NEDD4: variants seen among roughly 807,000 people sequenced by gnomAD.
The protein encoded by NEDD4 is NEDD4 E3 ubiquitin protein ligase.
NEDD4 carries 99 observed loss-of-function variants against 144.9 expected under a neutral mutation model. The ratio of observed to expected loss-of-function variants is 0.68; its 90% CI spans 0.58 to 0.81. NEDD4 has a LOEUF of 0.81. Among genes scored for constraint, NEDD4 ranks in the 30% least tolerant of loss-of-function variants. The pLI is 0.00. For synonymous variants in NEDD4, 318 were observed against 350.6 expected (o/e 0.91, Z 1.04); for missense variants, 985 against 1,065.9 (o/e 0.92, Z 1.06).
At chr15:55,871,268 T>C (rs2034786450) in intron 7 of NEDD4, among the ~76,000 whole-genome samples, 1 of 152,262 alleles carries the variant, frequency 6.6e-6, no homozygotes, top group South Asian at 2.1e-4. Context: ...TCTACAATTG[T>C]ATGTTTCATG....
chr15:55,910,666 G>A (rs2036242839), intron 5 of NEDD4, among the ~76,000 whole-genome samples: 1 of 151,872 alleles, frequency 6.6e-6, no homozygotes, highest in Admixed American at 6.6e-5. Context: ...CTGAGCCTTG[G>A]TCCTGTATGT....
chr15:55,956,363 G>C (rs982530248), intron 2 of NEDD4, among the ~76,000 whole-genome samples: 2 of 151,998 alleles, frequency 1.3e-5, no homozygotes, highest in East Asian at 3.9e-4. Flanking sequence ...TTTTGGTACT[G>C]TTCACGTAAA....
At chr15:55,867,924 C>T (rs1433269788) in intron 8 of NEDD4, among the ~76,000 whole-genome samples, 3 of 151,988 alleles carry the variant, frequency 2.0e-5, no homozygotes, top group African/African-American at 7.3e-5. Context: ...GGCATGGTAG[C>T]ACATGCCTGT....
In NEDD4 at chr15:55,902,079, G is replaced by A. The variant is rs530190210; in HGVS notation, c.291+22567C>T. ...AGTGCGGCAATTAAGGCTTAGATAA[G>A]ATGTGGTTAGATGATAAATTCCAAA... is the stretch of plus-strand genomic sequence containing the variant. On this transcript the variant is annotated intron_variant, in intron 5 of 28. Coordinates refer to ENST00000435532, the MANE Select transcript of NEDD4 (RefSeq NM_006154.4). 4.3e-4 allele frequency among the ~76,000 whole-genome samples: 66 copies of A among 152,238 alleles called. 1 individual carries two copies. Among genetic ancestry groups the A allele is most frequent in the African/African-American group, 1.5e-3 (64 of 41,556 alleles).
At chr15:55,859,650 A>G (rs2034326541) in intron 11 of NEDD4, among the ~76,000 whole-genome samples, 1 of 152,172 alleles carries the variant, frequency 6.6e-6, no homozygotes, top group African/African-American at 2.4e-5. Context: ...AAGCCGAGAT[A>G]GCACCACTGC....
intron 11 of NEDD4, among the ~76,000 whole-genome samples, chr15:55,857,318 A>G (rs60755985): frequency 0.14 from 21,395 of 152,056 alleles, 1,652 homozygotes; most frequent in East Asian, 0.36. Context: ...AGAAGGTTTA[A>G]TTTTTATTTA....
At chr15:55,894,814 G>T (rs2035688738) in intron 5 of NEDD4, among the ~76,000 whole-genome samples, 1 of 152,014 alleles carries the variant, frequency 6.6e-6, no homozygotes, top group South Asian at 2.1e-4. Flanking sequence ...TCTGAAGCAG[G>T]CAAGACATAA....
At chr15:55,976,747 G>A (rs1165107555) in intron 1 of NEDD4, among the ~76,000 whole-genome samples, 1 of 150,130 alleles carries the variant, frequency 6.7e-6, no homozygotes, top group South Asian at 2.1e-4. Context: ...CTCCTGCCTC[G>A]CCTCCCTAAG....
rs563937784 is a variant in NEDD4, at chr15:55,991,360, A to T, written c.45+2151T>A. ...TTACTTTTGTGATAGACCAGAAAAT[A>T]AATGGCAAATGATAGTGGAGAGGGC... On this transcript the variant is annotated intron_variant, in intron 1 of 28. Transcript: ENST00000435532. Among the ~76,000 whole-genome samples, 6 of 152,226 alleles carry T rather than the reference A, an allele frequency of 3.9e-5. No homozygotes were observed. The South Asian group carries it at 1.0e-3, about 26-fold the overall frequency.
intron 1 of NEDD4, among the ~76,000 whole-genome samples, chr15:55,982,712 C>A (rs1348195317): frequency 3.3e-5 from 5 of 152,166 alleles, no homozygotes; most frequent in Non-Finnish European, 5.9e-5. Flanking sequence ...CTGTGCATTT[C>A]ACTCTTTGTA....
chr15:55,939,334 T>A (rs1012529001), intron 4 of NEDD4, among the ~76,000 whole-genome samples: 2 of 152,132 alleles, frequency 1.3e-5, no homozygotes, highest in Non-Finnish European at 2.9e-5. Flanking sequence ...CCCTTCACTT[T>A]CTCTTCTGTC....
At chr15:55,839,355 TGAG>T (rs2033360317) in intron 21 of NEDD4, among the ~76,000 whole-genome samples, 1 of 152,116 alleles carries the variant, frequency 6.6e-6, no homozygotes, top group African/African-American at 2.4e-5. Flanking sequence ...TAAGTAGCTA[TGAG>T]GAGGCCATTG....
At chr15:55,884,013 G>A (rs1171095665) in intron 5 of NEDD4, among the ~76,000 whole-genome samples, 1 of 151,928 alleles carries the variant, frequency 6.6e-6, no homozygotes, top group Non-Finnish European at 1.5e-5. Context: ...CCAAGTAGCT[G>A]GGATTACAGG....
At chr15:55,981,257 T>A (rs2037799042) in intron 1 of NEDD4, among the ~76,000 whole-genome samples, 1 of 151,990 alleles carries the variant, frequency 6.6e-6, no homozygotes, top group Non-Finnish European at 1.5e-5. Context: ...ATATATCACC[T>A]CACCACCATG....
intron 3 of NEDD4, 45 bp downstream of exon 3, chr15:55,951,466 T>C (rs2037237233): frequency 7.1e-7 from 1 of 1,409,408 alleles, no homozygotes; most frequent in Non-Finnish European, 9.5e-7. Context: ...CTTATAAAAA[T>C]AAAACAAAGT....
In NEDD4 at chr15:55,891,084, T is replaced by C. The variant is rs1392459972; in HGVS notation, c.292-17076A>G. ...TATATTTGTTGTTCATTGGTTGTCT[T>C]TGGGAACAAAAGAACAAAAATCCCA... On this transcript the variant is annotated intron_variant, in intron 5 of 28. Coordinates refer to ENST00000435532, the MANE Select transcript of NEDD4 (RefSeq NM_006154.4). Among the ~76,000 whole-genome samples, 5 of 152,308 alleles carry C rather than the reference T, an allele frequency of 3.3e-5. No individual in the cohort carries two copies. In the East Asian group the frequency reaches 9.6e-4, roughly 29 times the overall value.
At chr15:55,830,972 A>T (rs1271532400) in intron 27 of NEDD4, among the ~76,000 whole-genome samples, 1 of 152,150 alleles carries the variant, frequency 6.6e-6, no homozygotes, top group Non-Finnish European at 1.5e-5. Flanking sequence ...AGGCTGAAGT[A>T]AAATGGCATG....
chr15:55,879,485 C>T (rs917529632), intron 5 of NEDD4, among the ~76,000 whole-genome samples: 26 of 152,150 alleles, frequency 1.7e-4, no homozygotes, highest in African/African-American at 6.3e-4. Flanking sequence ...CAGTAGATGC[C>T]CATGAACAAA....
chr15:55,853,507 C>T (rs539308611), intron 12 of NEDD4, among the ~76,000 whole-genome samples: 13 of 152,242 alleles, frequency 8.5e-5, no homozygotes, highest in African/African-American at 3.1e-4. Flanking sequence ...ACTTGTTAAG[C>T]GACATGGCTT....
Sources: gnomAD v4.1 joint callset for allele counts (sites outside exome capture counted in the v4.1 genomes callset) on GRCh38, gnomAD v4.1.1 for gene constraint, MANE v1.5 for transcripts, NCBI Gene and HGNC (gene_info 2026-07-23, HGNC 2026-07-21) for gene names.